The following LHFPL3 variants were observed in gnomAD, a reference collection of about 807,000 sequenced individuals.
LHFPL3 encodes LHFPL tetraspan subfamily member 3.
In LHFPL3, 5 loss-of-function variants were observed where a neutral mutation model predicts 19.3. The ratio of observed to expected loss-of-function variants is 0.26; its 90% CI spans 0.14 to 0.54. The LOEUF is 0.54. Among genes scored for constraint, LHFPL3 ranks in the 20% least tolerant of loss-of-function variants. The pLI, the probability that LHFPL3 is intolerant of heterozygous loss-of-function variation, is 0.94. For missense variants in LHFPL3, 249 were observed against 307.4 expected, an observed-to-expected ratio of 0.81 and a Z score of 1.42; for synonymous variants, 133 against 126.2, an observed-to-expected ratio of 1.05 and a Z score of -0.36.
intron 2 of LHFPL3, chr7:104,845,468 T>C: frequency 6.5e-7 from 1 of 1,529,974 alleles, no homozygotes; most frequent in Non-Finnish European, 8.7e-7. Context: ...AGCTCTGTTT[T>C]GTGCGCTTCT....
At chr7:104,419,797 C>T (rs143565784) in intron 1 of LHFPL3, among the ~76,000 whole-genome samples, 102 of 152,258 alleles carry the variant, frequency 6.7e-4, no homozygotes, top group African/African-American at 2.3e-3. Context: ...GCTGGAAGCT[C>T]AGGAACATCA....
intron 1 of LHFPL3, among the ~76,000 whole-genome samples, chr7:104,577,027 C>T (rs1790350959): frequency 6.6e-6 from 1 of 152,180 alleles, no homozygotes; most frequent in South Asian, 2.1e-4. Flanking sequence ...GACTTTCACT[C>T]TTATAAGGCA....
At chr7:104,541,921 G>GA (rs1336188745) in intron 1 of LHFPL3, among the ~76,000 whole-genome samples, 1 of 152,030 alleles carries the variant, frequency 6.6e-6, no homozygotes, top group Non-Finnish European at 1.5e-5. Flanking sequence ...ATTAAAGGAG[G>GA]AGGACCCTGG....
chr7:104,729,812 T>A (rs1324280512), intron 1 of LHFPL3, among the ~76,000 whole-genome samples: 2 of 152,148 alleles, frequency 1.3e-5, no homozygotes, highest in African/African-American at 4.8e-5. Flanking sequence ...TTGTTACATA[T>A]GTATACATGT....
intron 1 of LHFPL3, among the ~76,000 whole-genome samples, chr7:104,353,775 T>G (rs1198135126): frequency 6.6e-6 from 1 of 152,164 alleles, no homozygotes; most frequent in African/African-American, 2.4e-5. Flanking sequence ...GGGCACTTTA[T>G]ATACAGTGCC....
intron 1 of LHFPL3, among the ~76,000 whole-genome samples, chr7:104,558,617 C>T (rs929132677): frequency 3.3e-5 from 5 of 150,904 alleles, no homozygotes; most frequent in African/African-American, 1.2e-4. Context: ...AATTTTCTCC[C>T]GTTTTGTAGG....
intron 1 of LHFPL3, among the ~76,000 whole-genome samples, chr7:104,624,742 CA>C (rs918784213): frequency 2.6e-5 from 4 of 151,340 alleles, no homozygotes; most frequent in African/African-American, 9.7e-5. Flanking sequence ...CCTTTCAATG[CA>C]AAAAAAATAA....
chr7:104,354,200 G>A (rs916059945), intron 1 of LHFPL3, among the ~76,000 whole-genome samples: 4 of 152,110 alleles, frequency 2.6e-5, no homozygotes, highest in South Asian at 4.1e-4. Context: ...CTCCACCCAC[G>A]TGGCTGTATG....
intron 1 of LHFPL3, among the ~76,000 whole-genome samples, chr7:104,375,060 C>A (rs2116440044): frequency 6.6e-6 from 1 of 152,238 alleles, no homozygotes; most frequent in Middle Eastern, 3.4e-3. Context: ...TAATACAGGC[C>A]AGGCACGGTG....
intron 1 of LHFPL3, among the ~76,000 whole-genome samples, chr7:104,672,872 C>G (rs1049928205): frequency 2.0e-5 from 3 of 152,058 alleles, no homozygotes; most frequent in African/African-American, 7.2e-5. Context: ...CTCTTGAAAG[C>G]AAATGAATGC....
At chr7:104,716,966 A>C (rs1012706411) in intron 1 of LHFPL3, among the ~76,000 whole-genome samples, 1 of 152,238 alleles carries the variant, frequency 6.6e-6, no homozygotes, top group Non-Finnish European at 1.5e-5. Context: ...TACTGACATA[A>C]AGACAGACAT....
chr7:104,549,058 C>T (rs1794622347), intron 1 of LHFPL3, among the ~76,000 whole-genome samples: 1 of 152,122 alleles, frequency 6.6e-6, no homozygotes. Context: ...AAAGGGACCT[C>T]TACAGGTTGA....
chr7:104,782,746 G>C (rs1789836338), intron 2 of LHFPL3, among the ~76,000 whole-genome samples: 1 of 152,200 alleles, frequency 6.6e-6, no homozygotes, highest in African/African-American at 2.4e-5. Flanking sequence ...GGTCCTTTGT[G>C]ATTTGTCCCT....
intron 2 of LHFPL3, among the ~76,000 whole-genome samples, chr7:104,875,853 C>A (rs1791929133): frequency 6.6e-6 from 1 of 152,178 alleles, no homozygotes; most frequent in Non-Finnish European, 1.5e-5. Flanking sequence ...TGTACGTTTG[C>A]CAAATTTTTC....
chr7:104,600,174 A>C (rs1790936044), intron 1 of LHFPL3, among the ~76,000 whole-genome samples: 2 of 152,242 alleles, frequency 1.3e-5, no homozygotes, highest in African/African-American at 4.8e-5. Context: ...GGAGAGGGAC[A>C]GGAAGATATG....
At chr7:104,744,218 C>T (rs938373340) in intron 2 of LHFPL3, 2 of 152,032 alleles carry the variant, frequency 1.3e-5, no homozygotes, top group Non-Finnish European at 2.9e-5. Context: ...TTTTATTTGA[C>T]AGCTTTTAGA....
chr7:104,607,079 A>G (rs944063658), intron 1 of LHFPL3, among the ~76,000 whole-genome samples: 6 of 152,260 alleles, frequency 3.9e-5, no homozygotes, highest in African/African-American at 1.4e-4. Flanking sequence ...AATAGAAACT[A>G]TGCCTACATC....
chr7:104,668,626 G>T, intron 1 of LHFPL3: 7 of 1,612,386 alleles, frequency 4.3e-6, no homozygotes, highest in Non-Finnish European at 5.1e-6. Context: ...GGCAGGGACT[G>T]CTATGAAGAC....
intron 1 of LHFPL3, among the ~76,000 whole-genome samples, chr7:104,725,521 T>G (rs1793573016): frequency 6.6e-6 from 1 of 152,238 alleles, no homozygotes; most frequent in African/African-American, 2.4e-5. Context: ...TTCAAATATT[T>G]TAAAATATTC....
Sources: allele counts gnomAD v4.1 joint callset (sites outside exome capture counted in the v4.1 genomes callset), GRCh38; gene constraint gnomAD v4.1.1; transcripts MANE v1.5; gene names NCBI Gene and HGNC (gene_info 2026-07-23, HGNC 2026-07-21).